The following NEK11 variants were observed in gnomAD, a reference collection of about 807,000 sequenced individuals.
NEK11 encodes the protein serine/threonine-protein kinase Nek11.
NEK11 carries 72 observed loss-of-function variants against 80.7 expected under a neutral mutation model. The observed-to-expected ratio is 0.89, with a 90% CI of 0.74 to 1.08. The LOEUF (loss-of-function observed/expected upper bound fraction) is 1.08, where lower values mean the gene tolerates loss of function less well. NEK11 is among the 50% of genes least tolerant of loss of function. The pLI is 0.00. For synonymous variants in NEK11, 251 were observed against 260.7 expected (o/e 0.96, Z 0.36); for missense variants, 764 against 763.6 (o/e 1.00, Z -0.01).
chr3:131,306,874 T>C (rs2096728703), intron 17 of NEK11, among the ~76,000 whole-genome samples: 1 of 152,146 alleles, frequency 6.6e-6, no homozygotes, highest in Non-Finnish European at 1.5e-5. Flanking sequence ...CCTCCAGGAA[T>C]TCATCAGTTA....
rs548123493 is a variant in NEK11 at position 131,110,332 on chromosome 3, C to T, written c.455+411C>T. Among the ~76,000 whole-genome samples, 6 of 152,170 alleles carry T rather than the reference C, an allele frequency of 3.9e-5. No individual in the cohort carries two copies. The South Asian group carries it at 6.2e-4, about 16-fold the overall frequency. On this transcript the variant is annotated intron_variant, in intron 5 of 17. Transcript: ENST00000383366. ...GTGGTCGCCTTGGAATGTGTCAGTG[C>T]ACACTTAGCTAGGTTCACATCCCAA...
chr3:131,266,930 T>G (rs1452149899), intron 16 of NEK11, among the ~76,000 whole-genome samples: 1 of 152,240 alleles, frequency 6.6e-6, no homozygotes, highest in Non-Finnish European at 1.5e-5. Context: ...ATTGATCCCT[T>G]TACCATTATG....
At chr3:131,268,396 A>G (rs1419080370) in intron 16 of NEK11, among the ~76,000 whole-genome samples, 1 of 152,130 alleles carries the variant, frequency 6.6e-6, no homozygotes. Context: ...GTTTTTCCTC[A>G]TCTTCATGGA....
intron 4 of NEK11, among the ~76,000 whole-genome samples, chr3:131,099,931 C>T (rs527531221): frequency 6.6e-6 from 1 of 152,104 alleles, no homozygotes. Context: ...TAGCTGACTT[C>T]GTTTTGGATG....
chr3:131,099,739 G>A (rs1242566077), intron 4 of NEK11, among the ~76,000 whole-genome samples: 1 of 152,144 alleles, frequency 6.6e-6, no homozygotes, highest in Admixed American at 6.5e-5. Context: ...TATTTTAAAT[G>A]GGATTGTGTT....
At chr3:131,121,985 C>A (rs1008365510) in intron 5 of NEK11, among the ~76,000 whole-genome samples, 1 of 152,204 alleles carries the variant, frequency 6.6e-6, no homozygotes, top group Non-Finnish European at 1.5e-5. Flanking sequence ...TGGGCTGCAC[C>A]CACTGTCCAG....
chr3:131,048,510 A>G (rs1165219759), intron 3 of NEK11, among the ~76,000 whole-genome samples: 1 of 152,078 alleles, frequency 6.6e-6, no homozygotes, highest in African/African-American at 2.4e-5. Context: ...TTGGCTCTCT[A>G]AATTTGTCTC....
At chr3:131,039,641 AT>A (rs1318616372) in intron 3 of NEK11, among the ~76,000 whole-genome samples, 7 of 152,214 alleles carry the variant, frequency 4.6e-5, no homozygotes, top group Admixed American at 2.6e-4. Context: ...ACCCAACTTT[AT>A]ACCTATTTTG....
At chr3:131,307,610 A>T (rs966131924) in intron 17 of NEK11, among the ~76,000 whole-genome samples, 1 of 152,244 alleles carries the variant, frequency 6.6e-6, no homozygotes, top group Non-Finnish European at 1.5e-5. Context: ...TGTGCTGACC[A>T]TAGTTGTTGT....
At chr3:131,158,952 G>T (rs1193197612) in intron 10 of NEK11, among the ~76,000 whole-genome samples, 2 of 152,140 alleles carry the variant, frequency 1.3e-5, no homozygotes, top group Non-Finnish European at 2.9e-5. Context: ...CGACCTTGAG[G>T]AGCCAGAGAG....
chr3:131,331,539 T>G (rs1383755921), intron 17 of NEK11, among the ~76,000 whole-genome samples: 3 of 152,182 alleles, frequency 2.0e-5, no homozygotes, highest in Non-Finnish European at 4.4e-5. Context: ...CGACGCAGAA[T>G]ACGGGTGATT....
At chr3:131,113,610 T>G (rs1466015721) in intron 5 of NEK11, among the ~76,000 whole-genome samples, 3 of 151,930 alleles carry the variant, frequency 2.0e-5, no homozygotes, top group African/African-American at 4.8e-5. Flanking sequence ...CCTGAATTTT[T>G]GGGGAAAAAA....
In NEK11 at chr3:131,155,074, CAA is replaced by C; in HGVS notation, c.919_920del (p.Asn307PhefsTer12). 1 of 1,611,996 alleles carries C rather than the reference CAA, an allele frequency of 6.2e-7. No homozygotes were observed. The highest frequency in any genetic ancestry group is 8.5e-7 in the Non-Finnish European group (1 of 1,178,472). On this transcript the variant is annotated frameshift_variant, in exon 10 of 18. Coordinates refer to ENST00000383366, the MANE Select transcript of NEK11 (RefSeq NM_024800.5). LOFTEE classifies it high-confidence loss of function. Reference sequence around the variant, plus strand: ...GATATTCAGAAATGACTCTGGAAGACAAAAATTTGGATTGTCAGAAGGAGGCT... The same window carrying C: ...GATATTCAGAAATGACTCTGGAAGACAAATTTGGATTGTCAGAAGGAGGCT... ...CRYSEMTLEDKNLDCQKEAAH... is the reference protein window; with the variant it reads ...CRYSEMTLEDXNLDCQKEAAH...
intron 15 of NEK11, among the ~76,000 whole-genome samples, chr3:131,230,071 T>C (rs1040135122): frequency 1.3e-5 from 2 of 152,176 alleles, no homozygotes; most frequent in Admixed American, 6.5e-5. Context: ...ATTCTGGGCC[T>C]ATGGTTGCAA....
At chr3:131,061,861 A>G (rs1246516816) in intron 3 of NEK11, among the ~76,000 whole-genome samples, 9 of 152,194 alleles carry the variant, frequency 5.9e-5, no homozygotes, top group South Asian at 2.1e-4. Context: ...TAGGAACTCC[A>G]TCGTGCTGCC....
At chr3:131,333,152 A>G (rs534189798) in intron 17 of NEK11, among the ~76,000 whole-genome samples, 1 of 152,306 alleles carries the variant, frequency 6.6e-6, no homozygotes, top group South Asian at 2.1e-4. Flanking sequence ...AGCAACTCCA[A>G]GACACATAAT....
intron 15 of NEK11, among the ~76,000 whole-genome samples, chr3:131,233,259 C>G (rs1315425066): frequency 6.6e-6 from 1 of 152,118 alleles, no homozygotes; most frequent in Non-Finnish European, 1.5e-5. Context: ...ATGGCCTGGC[C>G]CTAACTTCCC....
chr3:131,276,886 C>T (rs1056967819), intron 17 of NEK11, among the ~76,000 whole-genome samples: 1 of 152,140 alleles, frequency 6.6e-6, no homozygotes, highest in East Asian at 1.9e-4. Flanking sequence ...GGATACAAGC[C>T]AGGATCACAC....
rs575486604 is a variant in NEK11, at chr3:131,347,587, A to G, written c.1719-1970A>G. Among the ~76,000 whole-genome samples the G allele has an allele frequency of 2.2e-4, 33 of 152,324 alleles. 1 individual carries two copies. The South Asian group carries it at 6.6e-3, about 31-fold the overall frequency. ...ACTAATGTCTCCAATGTTATTATCA[A>G]CATTACCATCATTACTGTTAAGCAT... On this transcript the variant is annotated intron_variant, in intron 17 of 17. Transcript: ENST00000383366.
Sources: gnomAD v4.1 joint callset for allele counts (sites outside exome capture counted in the v4.1 genomes callset) on GRCh38, gnomAD v4.1.1 for gene constraint, MANE v1.5 for transcripts, NCBI Gene and HGNC (gene_info 2026-07-23, HGNC 2026-07-21) for gene names.